SORCS3: variants seen among roughly 807,000 people sequenced by gnomAD.
SORCS3 encodes the protein VPS10 domain-containing receptor SorCS3.
A neutral mutation model predicts 146.3 loss-of-function variants in SORCS3; 57 were observed. The ratio of observed to expected loss-of-function variants is 0.39; its 90% CI spans 0.31 to 0.49. SORCS3 has a LOEUF of 0.49. SORCS3 is among the 20% of genes least tolerant of loss of function. SORCS3 has a pLI of 0.92. For synonymous variants in SORCS3, 653 were observed against 618.5 expected (o/e 1.06, Z -0.83); for missense variants, 1,341 against 1,575.5 (o/e 0.85, Z 2.52).
At chr10:105,231,624 C>A (rs1252469466) in intron 20 of SORCS3, among the ~76,000 whole-genome samples, 1 of 152,106 alleles carries the variant, frequency 6.6e-6, no homozygotes, top group Non-Finnish European at 1.5e-5. Context: ...TAATTTCACA[C>A]CATTAATTAT....
chr10:104,856,111 GT>G (rs1339156656), intron 2 of SORCS3, among the ~76,000 whole-genome samples: 2 of 152,106 alleles, frequency 1.3e-5, no homozygotes, highest in Non-Finnish European at 2.9e-5. Flanking sequence ...ACAGAGTGAA[GT>G]TCTCTAATGA....
chr10:105,105,635 C>A, intron 7 of SORCS3, 120 bp downstream of exon 7: 1 of 729,638 alleles, frequency 1.4e-6, no homozygotes, highest in East Asian at 2.5e-5. Context: ...CACTGTCCCT[C>A]CTTTGCTTCA....
intron 1 of SORCS3, among the ~76,000 whole-genome samples, chr10:104,719,583 CT>C: frequency 1.3e-5 from 2 of 152,298 alleles, no homozygotes; most frequent in Middle Eastern, 3.4e-3. Flanking sequence ...CTTCTCTGCT[CT>C]TCTCCTTCTC....
intron 1 of SORCS3, among the ~76,000 whole-genome samples, chr10:104,817,874 G>A (rs572606892): frequency 1.3e-5 from 2 of 151,494 alleles, no homozygotes; most frequent in East Asian, 2.0e-4. Context: ...CAAAGTCCAC[G>A]TGCTTTCTGC....
chr10:105,248,378 T>C (rs2056879587), intron 22 of SORCS3, among the ~76,000 whole-genome samples: 1 of 152,142 alleles, frequency 6.6e-6, no homozygotes, highest in African/African-American at 2.4e-5. Context: ...TTGAACTGTG[T>C]TTGCAAGGAT....
At chr10:104,972,240 G>C (rs73351609) in intron 3 of SORCS3, among the ~76,000 whole-genome samples, 9,016 of 152,256 alleles carry the variant, frequency 0.059, 263 homozygotes, top group African/African-American at 0.074. Flanking sequence ...GATATTATCA[G>C]AGTCAGGTTA....
chr10:104,789,111 A>G (rs2017468648), intron 1 of SORCS3, among the ~76,000 whole-genome samples: 1 of 152,192 alleles, frequency 6.6e-6, no homozygotes, highest in African/African-American at 2.4e-5. Flanking sequence ...GCAAGTGAGA[A>G]GTGGTGAGGC....
At chr10:104,951,164 G>A (rs1347689087) in intron 3 of SORCS3, among the ~76,000 whole-genome samples, 1 of 151,964 alleles carries the variant, frequency 6.6e-6, no homozygotes, top group Admixed American at 6.6e-5. Context: ...TTCCCTATAA[G>A]TTTCTAGCAC....
chr10:104,695,608 C>T (rs976061034), intron 1 of SORCS3, among the ~76,000 whole-genome samples: 2 of 151,888 alleles, frequency 1.3e-5, no homozygotes, highest in Admixed American at 6.6e-5. Flanking sequence ...GTCCTTATCT[C>T]CCTCAGCTTT....
At chr10:105,200,165 G>C in intron 15 of SORCS3, 49 bp downstream of exon 15, 1 of 1,434,372 alleles carries the variant, frequency 7.0e-7, no homozygotes, top group East Asian at 2.3e-5. Context: ...GGAGGAGCTA[G>C]TGCAAGTCCG....
intron 5 of SORCS3, among the ~76,000 whole-genome samples, chr10:105,075,238 A>G (rs2055581299): frequency 6.6e-6 from 1 of 152,208 alleles, no homozygotes; most frequent in Admixed American, 6.5e-5. Flanking sequence ...CTCAGTCAGC[A>G]GAGCCCAGGG....
At chr10:104,687,129 ACATCCATGCATT>A (rs1185386689) in intron 1 of SORCS3, among the ~76,000 whole-genome samples, 1 of 151,718 alleles carries the variant, frequency 6.6e-6, no homozygotes, top group African/African-American at 2.4e-5. Flanking sequence ...ACCCATCCAT[ACATCCATGCATT>A]CATCCATGCA....
intron 14 of SORCS3, among the ~76,000 whole-genome samples, chr10:105,181,560 C>T (rs539122060): frequency 1.3e-4 from 20 of 152,246 alleles, no homozygotes; most frequent in Admixed American, 3.3e-4. Context: ...TTTCTAACAC[C>T]GTAGCTTTGC....
intron 4 of SORCS3, among the ~76,000 whole-genome samples, chr10:105,042,530 A>T (rs7897796): frequency 0.029 from 4,490 of 152,236 alleles, 213 homozygotes; most frequent in African/African-American, 0.1. Context: ...GTCAGACTCT[A>T]CATTCAAAAA....
intron 1 of SORCS3, among the ~76,000 whole-genome samples, chr10:104,708,311 T>G (rs578093889): frequency 2.8e-4 from 43 of 152,296 alleles, no homozygotes; most frequent in African/African-American, 9.1e-4. Flanking sequence ...ATGGGCTGCA[T>G]GAGTGTCACC....
At chr10:104,781,792 G>T (rs1398414972) in intron 1 of SORCS3, among the ~76,000 whole-genome samples, 1 of 152,242 alleles carries the variant, frequency 6.6e-6, no homozygotes, top group East Asian at 1.9e-4. Context: ...CATCAGGCCT[G>T]ATTTGGGTAT....
intron 2 of SORCS3, among the ~76,000 whole-genome samples, chr10:104,869,177 A>G (rs1271012388): frequency 1.3e-5 from 2 of 151,790 alleles, no homozygotes; most frequent in African/African-American, 4.8e-5. Flanking sequence ...ATATTTATAT[A>G]CATATATTAC....
chr10:105,148,631 T>C (rs1449297984), intron 9 of SORCS3, among the ~76,000 whole-genome samples: 1 of 152,030 alleles, frequency 6.6e-6, no homozygotes, highest in African/African-American at 2.4e-5. Flanking sequence ...CAGACTGTGA[T>C]GGTTGAGATC....
intron 1 of SORCS3, among the ~76,000 whole-genome samples, chr10:104,830,674 C>T (rs1185850444): frequency 6.6e-6 from 1 of 152,272 alleles, no homozygotes; most frequent in East Asian, 1.9e-4. Context: ...TTTGCAGAGC[C>T]CTGGTTACCT....
Sources: allele counts gnomAD v4.1 joint callset (sites outside exome capture counted in the v4.1 genomes callset), GRCh38; gene constraint gnomAD v4.1.1; transcripts MANE v1.5; gene names NCBI Gene and HGNC (gene_info 2026-07-23, HGNC 2026-07-21).